The following SRGAP1 variants were observed in gnomAD, a reference collection of about 807,000 sequenced individuals.
SRGAP1 encodes the protein SLIT-ROBO Rho GTPase activating protein 1, also known as SLIT-ROBO Rho GTPase-activating protein 1.
Under a neutral mutation model 121.9 loss-of-function variants are expected in SRGAP1, and 43 were observed. That is an observed-to-expected ratio of 0.35 (90% confidence interval 0.28 to 0.46). The LOEUF (loss-of-function observed/expected upper bound fraction) is 0.46. SRGAP1 is among the 20% of genes least tolerant of loss of function. SRGAP1 has a pLI of 1.00. For missense variants in SRGAP1, 1,102 were observed against 1,350.9 expected, an observed-to-expected ratio of 0.82 and a Z score of 2.89; for synonymous variants, 447 against 485.4, an observed-to-expected ratio of 0.92 and a Z score of 1.04.
intron 18 of SRGAP1, among the ~76,000 whole-genome samples, chr12:64,123,510 A>T (rs190618319): frequency 6.6e-5 from 10 of 152,312 alleles, no homozygotes; most frequent in African/African-American, 2.4e-4. Context: ...ATATAAAGTT[A>T]TAGTCCCTCC....
chr12:64,069,163 C>T (rs2035596188), intron 8 of SRGAP1, among the ~76,000 whole-genome samples: 1 of 152,136 alleles, frequency 6.6e-6, no homozygotes, highest in East Asian at 1.9e-4. Flanking sequence ...ATGTGTGCTT[C>T]CTGTTTGCCA....
intron 3 of SRGAP1, among the ~76,000 whole-genome samples, chr12:64,012,668 TC>T (rs1243271428): frequency 1.5e-5 from 2 of 135,882 alleles, no homozygotes; most frequent in Non-Finnish European, 3.1e-5. Flanking sequence ...TCCTCCCACC[TC>T]AGCCTCTCAT....
At chr12:63,854,603 A>G (rs1463047915) in intron 1 of SRGAP1, among the ~76,000 whole-genome samples, 1 of 152,188 alleles carries the variant, frequency 6.6e-6, no homozygotes, top group Middle Eastern at 3.2e-3. Context: ...ATAAAAAATT[A>G]ATAATATGTA....
At chr12:63,938,799 G>A (rs964026756) in intron 1 of SRGAP1, among the ~76,000 whole-genome samples, 5 of 151,506 alleles carry the variant, frequency 3.3e-5, no homozygotes, top group African/African-American at 1.2e-4. Flanking sequence ...GACCTTAAAG[G>A]CATATGGTTT....
intron 6 of SRGAP1, among the ~76,000 whole-genome samples, chr12:64,055,112 T>C (rs1393559929): frequency 2.0e-5 from 3 of 150,996 alleles, no homozygotes; most frequent in Non-Finnish European, 2.9e-5. Context: ...CCCCAATGTC[T>C]CAGCCCAAAA....
At chr12:63,848,041 T>C (rs1898959543) in intron 1 of SRGAP1, among the ~76,000 whole-genome samples, 2 of 151,544 alleles carry the variant, frequency 1.3e-5, no homozygotes, top group Non-Finnish European at 2.9e-5. Context: ...AGTATCGGTC[T>C]GCTGCCCAGG....
rs1330371912 is a variant in SRGAP1 at position 63,952,554 on chromosome 12, A to G, written c.68-31393A>G. On this transcript the variant is annotated intron_variant, in intron 1 of 21. Coordinates refer to ENST00000355086, the MANE Select transcript of SRGAP1 (RefSeq NM_020762.4). ...GAAGAAAGGAAGAAAAGAAAGAAAAAATCCACACCAATGAGCCTTCCTTCT... is the reference window on the plus strand; with the variant it reads ...GAAGAAAGGAAGAAAAGAAAGAAAAGATCCACACCAATGAGCCTTCCTTCT... Among the ~76,000 whole-genome samples the G allele has an allele frequency of 2.0e-5, 3 of 152,050 alleles. No individual in the cohort carries two copies. The East Asian group carries it at 5.8e-4, about 29-fold the overall frequency.
intron 6 of SRGAP1, among the ~76,000 whole-genome samples, chr12:64,062,151 T>C (rs538526017): frequency 6.6e-6 from 1 of 152,336 alleles, no homozygotes; most frequent in African/African-American, 2.4e-5. Context: ...CAGCAGTGTA[T>C]GAGGGCTCCA....
At chr12:63,999,855 T>C (rs752451903) in intron 3 of SRGAP1, among the ~76,000 whole-genome samples, 12 of 151,756 alleles carry the variant, frequency 7.9e-5, no homozygotes, top group Non-Finnish European at 1.6e-4. Flanking sequence ...GGAGAACATA[T>C]AGGGTGAGGA....
chr12:64,000,851 AC>A (rs901469701), intron 3 of SRGAP1, among the ~76,000 whole-genome samples: 48 of 152,302 alleles, frequency 3.2e-4, no homozygotes, highest in African/African-American at 9.9e-4. Context: ...AGAAGTGATA[AC>A]ATCTCATAAG....
intron 1 of SRGAP1, among the ~76,000 whole-genome samples, chr12:63,949,449 A>G (rs1592973852): frequency 7.2e-6 from 1 of 139,584 alleles, no homozygotes; most frequent in East Asian, 2.1e-4. Flanking sequence ...TTATTTTGAG[A>G]CGGAACCTCG....
chr12:64,036,401 C>T (rs1322442534), intron 4 of SRGAP1, among the ~76,000 whole-genome samples: 1 of 152,102 alleles, frequency 6.6e-6, no homozygotes, highest in East Asian at 1.9e-4. Flanking sequence ...TGCAGAAATT[C>T]AGCTACAGTT....
At chr12:63,881,570 A>T (rs1900194863) in intron 1 of SRGAP1, among the ~76,000 whole-genome samples, 1 of 152,196 alleles carries the variant, frequency 6.6e-6, no homozygotes. Context: ...GTAAAATGGA[A>T]GTAATAATAG....
chr12:64,104,683 T>G lies in SRGAP1; in HGVS notation c.1814-4249T>G, dbSNP rs552357516. Among the ~76,000 whole-genome samples the G allele has an allele frequency of 5.5e-4, 84 of 152,330 alleles. 1 individual carries two copies. Among genetic ancestry groups the G allele is most frequent in the Admixed American group, 3.8e-3 (58 of 15,296 alleles). On this transcript the variant is annotated intron_variant, in intron 15 of 21. Transcript: ENST00000355086. ...GGAGTCCTGCTCGCAGCCATCACGG[T>G]TAGAGGCCTTCGAGACGAACAGATT...
intron 6 of SRGAP1, 83 bp from the exon 7 acceptor site, chr12:64,062,834 G>A: frequency 9.7e-7 from 1 of 1,035,944 alleles, no homozygotes. Context: ...CCTTCTGAGA[G>A]TTTTATAGCT....
chr12:64,074,092 C>T (rs2035691560), intron 8 of SRGAP1, among the ~76,000 whole-genome samples: 1 of 152,158 alleles, frequency 6.6e-6, no homozygotes, highest in South Asian at 2.1e-4. Flanking sequence ...GTAGTTCTTT[C>T]CAGCAGTTTT....
At chr12:63,992,985 G>A (rs901397878) in intron 3 of SRGAP1, among the ~76,000 whole-genome samples, 1 of 152,062 alleles carries the variant, frequency 6.6e-6, no homozygotes, top group African/African-American at 2.4e-5. Context: ...CCTTCCTCGA[G>A]CAAACACAGC....
rs1314522915 is a variant in SRGAP1, at chr12:64,161,527, T to A, written c.*18855T>A. The A allele has an allele frequency of 1.3e-5, 2 of 152,208 alleles. No individual in the cohort carries two copies. Among genetic ancestry groups the A allele is most frequent in the African/African-American group, 4.8e-5 (2 of 41,458 alleles). The allele number at this position is 152,208 out of a possible 1,614,324, so 9.4% of individuals were successfully genotyped here. On this transcript the variant is annotated 3_prime_UTR_variant, in exon 22 of 22. Coordinates refer to ENST00000355086, the MANE Select transcript of SRGAP1 (RefSeq NM_020762.4). ...GCTGGCTGTTCATTTTTTTATAGAA[T>A]CCTGTCCTTATTTGACAGGTCCTAT... is the stretch of plus-strand genomic sequence containing the variant.
At chr12:63,929,960 T>A (rs1786250576) in intron 1 of SRGAP1, among the ~76,000 whole-genome samples, 2 of 152,036 alleles carry the variant, frequency 1.3e-5, no homozygotes, top group Admixed American at 6.6e-5. Context: ...ACATCACTGA[T>A]CATCAGAGAA....
Sources: allele counts gnomAD v4.1 joint callset (sites outside exome capture counted in the v4.1 genomes callset), GRCh38; gene constraint gnomAD v4.1.1; transcripts MANE v1.5; gene names NCBI Gene and HGNC (gene_info 2026-07-23, HGNC 2026-07-21).